SCN4B: variants seen among roughly 807,000 people sequenced by gnomAD.
SCN4B encodes the protein sodium channel regulatory subunit beta-4.
A neutral mutation model predicts 19.6 loss-of-function variants in SCN4B; 20 were observed. The observed-to-expected ratio is 1.02, with a 90% confidence interval of 0.72 to 1.48. SCN4B has a LOEUF of 1.48. Ranked by LOEUF, SCN4B falls within the 40% of genes most tolerant of loss-of-function variation. The pLI, the probability that SCN4B is intolerant of heterozygous loss-of-function variation, is 0.00. For synonymous variants in SCN4B, 127 were observed against 122.8 expected, an observed-to-expected ratio of 1.03 and a Z score of -0.22; for missense variants, 271 against 287.5, an observed-to-expected ratio of 0.94 and a Z score of 0.42.
At position 118,136,938 on chromosome 11, in the gene SCN4B, C is replaced by T; in HGVS notation, c.*89G>A. On this transcript the variant is annotated 3_prime_UTR_variant, in exon 5 of 5. Transcript: ENST00000324727. ...AGTTTGAGCCAAGCAGCAGATGTCT[C>T]AGGCACGTGGGTTCTACGGTCGGGG... The T allele has an allele frequency of 2.3e-6, 2 of 877,518 alleles. No individual in the cohort carries two copies. Among genetic ancestry groups the T allele is most frequent in the Non-Finnish European group, 3.8e-6 (2 of 527,842 alleles). The allele number at this position is 877,518 out of a possible 1,614,324, so 54.4% of individuals were successfully genotyped here.
At position 118,137,074 on chromosome 11, in the gene SCN4B, C is replaced by G. The variant is rs367988277; in HGVS notation, c.640G>C (p.Gly214Arg). ...SSSGNDNTEN[G>R]LPGSKAEEKP... ...TCCTCTGCCTTGGAGCCAGGCAAGCCGTTCTCCGTGTTGTCATTCCCCGAG... is the reference window on the plus strand; with the variant it reads ...TCCTCTGCCTTGGAGCCAGGCAAGCGGTTCTCCGTGTTGTCATTCCCCGAG... The change falls in exon 5 of 5, where the codon GGC becomes CGC. Residue 214 changes from glycine (G) to arginine (R), a missense_variant. Coordinates refer to ENST00000324727, the MANE Select transcript of SCN4B (RefSeq NM_174934.4). 1 of 1,614,024 alleles carries G rather than the reference C, an allele frequency of 6.2e-7. No homozygotes were observed. The highest frequency in any genetic ancestry group is 8.5e-7 in the Non-Finnish European group (1 of 1,179,988).
In SCN4B at chr11:118,135,059, C is replaced by T; in HGVS notation, c.*1968G>A. The T allele has an allele frequency of 2.2e-6, 1 of 454,092 alleles. No individual in the cohort carries two copies. Among genetic ancestry groups the T allele is most frequent in the Non-Finnish European group, 4.4e-6 (1 of 226,792 alleles). 28.1% of individuals were successfully genotyped at this position (454,092 alleles called of 1,614,324 possible). On this transcript the variant is annotated 3_prime_UTR_variant, in exon 5 of 5. Coordinates refer to ENST00000324727, the MANE Select transcript of SCN4B (RefSeq NM_174934.4). ...GGTGCTCTGCCTCTTCAAATGTCACCATTGAGAAGGAAGAAGAAAACAGTT... is the reference window on the plus strand; with the variant it reads ...GGTGCTCTGCCTCTTCAAATGTCACTATTGAGAAGGAAGAAGAAAACAGTT...
Position 118,144,134 on chromosome 11 carries a change from C to T in SCN4B, c.235-73G>A. 4 of 965,118 alleles carry T rather than the reference C, an allele frequency of 4.1e-6. No individual in the cohort carries two copies. The South Asian group carries it at 5.1e-5, about 12-fold the overall frequency. 59.8% of individuals were successfully genotyped at this position (965,118 alleles called of 1,614,324 possible). A position where few individuals can be genotyped will look rare whatever the true frequency, so the allele number is the denominator to read the frequency against. On this transcript the variant is annotated intron_variant, in intron 2 of 4. Coordinates refer to ENST00000324727, the MANE Select transcript of SCN4B (RefSeq NM_174934.4). ...GGGGTCCTCAAGGGTCATGACATCA[C>T]ACCAGCCCACTCCTTGGATGCCTCC...
At position 118,136,107 on chromosome 11, in the gene SCN4B, G is replaced by A. The variant is rs1236019227; in HGVS notation, c.*920C>T. ...CTCAGGTAGGAGGGGGAGAAGCAGG[G>A]GAGAGCTGGGCTCAGGAGTGCCCAG... On this transcript the variant is annotated 3_prime_UTR_variant, in exon 5 of 5. Transcript: ENST00000324727. 4.4e-6 allele frequency: 2 copies of A among 450,938 alleles called. No homozygotes were observed. The highest frequency in any genetic ancestry group is 2.0e-5 in the African/African-American group (1 of 49,820). 27.9% of individuals were successfully genotyped at this position (450,938 alleles called of 1,614,324 possible).
chr11:118,150,190 G>C (rs752490601), intron 1 of SCN4B, among the ~76,000 whole-genome samples: 1 of 152,190 alleles, frequency 6.6e-6, no homozygotes, highest in African/African-American at 2.4e-5. Context: ...AGGAAGGAGT[G>C]GGCAGGACAG....
Position 118,137,074 on chromosome 11 carries a change from C to T in SCN4B, c.640G>A (p.Gly214Ser), listed in dbSNP as rs367988277. ...SSSGNDNTENGLPGSKAEEKP... is the reference protein window; with the variant it reads ...SSSGNDNTENSLPGSKAEEKP... ...TCCTCTGCCTTGGAGCCAGGCAAGC[C>T]GTTCTCCGTGTTGTCATTCCCCGAG... The change falls in exon 5 of 5, where the codon GGC (glycine) becomes AGC (serine). Residue 214 changes from glycine to serine, a missense_variant. Physicochemically the swap from Gly to Ser is moderately conservative, Grantham distance 56. Transcript: ENST00000324727. The T allele has an allele frequency of 2.0e-5, 32 of 1,614,024 alleles. No individual in the cohort carries two copies. The East Asian group carries it at 4.0e-4, about 20-fold the overall frequency.
chr11:118,141,470 C>A (rs1948098883), intron 3 of SCN4B, 134 bp from the exon 4 acceptor site: 1 of 957,448 alleles, frequency 1.0e-6, no homozygotes, highest in Admixed American at 2.0e-5. Flanking sequence ...CTCCCAGACC[C>A]CCAGCCCTCC....
chr11:118,136,912 C>A lies in SCN4B; in HGVS notation c.*115G>T. ...TGGTTTCTTGTGCCCGGAAAGACTA[C>A]AGTTTGAGCCAAGCAGCAGATGTCT... On this transcript the variant is annotated 3_prime_UTR_variant, in exon 5 of 5. Coordinates refer to ENST00000324727, the MANE Select transcript of SCN4B (RefSeq NM_174934.4). The A allele has an allele frequency of 1.3e-6, 1 of 758,410 alleles. No homozygotes were observed. Among genetic ancestry groups the A allele is most frequent in the Non-Finnish European group, 2.3e-6 (1 of 427,088 alleles). 47.0% of individuals were successfully genotyped at this position (758,410 alleles called of 1,614,324 possible). A position where few individuals can be genotyped will look rare whatever the true frequency, so the allele number is the denominator to read the frequency against.
chr11:118,146,851 G>T (rs1948183257), intron 1 of SCN4B, among the ~76,000 whole-genome samples: 1 of 151,938 alleles, frequency 6.6e-6, no homozygotes, highest in African/African-American at 2.4e-5. Context: ...GCCTAGAGAG[G>T]TTATGTAACT....
At chr11:118,140,494 C>A (rs981263761) in intron 4 of SCN4B, among the ~76,000 whole-genome samples, 3 of 152,218 alleles carry the variant, frequency 2.0e-5, no homozygotes, top group African/African-American at 7.2e-5. Context: ...GGGAAGCCAT[C>A]TCGTCGCATC....
Position 118,152,599 on chromosome 11 carries a change from T to C in SCN4B, c.61+14A>G, listed in dbSNP as rs769263983. 6 of 1,610,776 alleles carry C rather than the reference T, an allele frequency of 3.7e-6. No individual in the cohort carries two copies. The African/African-American group carries it at 6.7e-5, about 18-fold the overall frequency. On this transcript the variant is annotated intron_variant, in intron 1 of 4. Transcript: ENST00000324727. Reference sequence around the variant, plus strand: ...GGGGAGGCAAGAGAAGAGACCAAGCTGGGGCTGCCTTACCCAAAAGCCCAG... The same window carrying C: ...GGGGAGGCAAGAGAAGAGACCAAGCCGGGGCTGCCTTACCCAAAAGCCCAG...
At chr11:118,149,617 C>T (rs548346597) in intron 1 of SCN4B, among the ~76,000 whole-genome samples, 1 of 152,218 alleles carries the variant, frequency 6.6e-6, no homozygotes, top group Non-Finnish European at 1.5e-5. Flanking sequence ...TGAAAGCATG[C>T]CCCTGAGACA....
chr11:118,136,365 C>G lies in SCN4B; in HGVS notation c.*662G>C, dbSNP rs1056227514. 2.2e-6 allele frequency: 1 copy of G among 453,602 alleles called. No homozygotes were observed. The highest frequency in any genetic ancestry group is 4.4e-6 in the Non-Finnish European group (1 of 226,674). 28.1% of individuals were successfully genotyped at this position (453,602 alleles called of 1,614,324 possible). A position where few individuals can be genotyped will look rare whatever the true frequency, so the allele number is the denominator to read the frequency against. On this transcript the variant is annotated 3_prime_UTR_variant, in exon 5 of 5. Coordinates refer to ENST00000324727, the MANE Select transcript of SCN4B (RefSeq NM_174934.4). ...AGGAGCAGGCTAGGTGGCCAGGAAC[C>G]CTCAAGACCAGGGTGGCCAGCCCTG...
intron 1 of SCN4B, 50 bp downstream of exon 1, chr11:118,152,563 T>G (rs1403421835): frequency 2.7e-6 from 4 of 1,496,774 alleles, no homozygotes; most frequent in Non-Finnish European, 2.8e-6. Flanking sequence ...TGTCCCCTTC[T>G]TTGGGGGTGG....
chr11:118,148,049 C>A lies in SCN4B; in HGVS notation c.62-2820G>T, dbSNP rs1948199460. ...TTAAGGTCTGGCTCATGACACAGTA[C>A]ACGTTTCTGCCTGGTTTGTGTGCAC... is the stretch of plus-strand genomic sequence containing the variant. On this transcript the variant is annotated intron_variant, in intron 1 of 4. Transcript: ENST00000324727. The surrounding 1 kb of genome is among the most constrained non-coding windows in gnomAD (Gnocchi z 4.0). Among the ~76,000 whole-genome samples the A allele has an allele frequency of 1.3e-5, 2 of 152,222 alleles. No homozygotes were observed. Among genetic ancestry groups the A allele is most frequent in the African/African-American group, 4.8e-5 (2 of 41,458 alleles).
intron 1 of SCN4B, among the ~76,000 whole-genome samples, chr11:118,146,529 C>G (rs1665757204): frequency 6.6e-6 from 1 of 152,188 alleles, no homozygotes; most frequent in Non-Finnish European, 1.5e-5. Flanking sequence ...TTGCCCCCAC[C>G]GGATGATAAT....
chr11:118,134,416 T>A lies in SCN4B; in HGVS notation c.*2611A>T, dbSNP rs768305843. On this transcript the variant is annotated 3_prime_UTR_variant, in exon 5 of 5. Transcript: ENST00000324727. Reference sequence around the variant, plus strand: ...CACTTGGGGAAGATAGCTTTGCCCATATACATCCTAGTGCAAATCCATGCC... The same window carrying A: ...CACTTGGGGAAGATAGCTTTGCCCAAATACATCCTAGTGCAAATCCATGCC... The A allele has an allele frequency of 3.3e-5, 15 of 454,004 alleles. No homozygotes were observed. The highest frequency in any genetic ancestry group is 6.2e-5 in the Non-Finnish European group (14 of 226,810). 28.1% of individuals were successfully genotyped at this position (454,004 alleles called of 1,614,324 possible). A position where few individuals can be genotyped will look rare whatever the true frequency, so the allele number is the denominator to read the frequency against.
chr11:118,134,968 T>A lies in SCN4B; in HGVS notation c.*2059A>T. ...TAGACCCTGGGGAGGAAAGAGAGGATGGTGCCCTTCTTCTCCCTACTCTAC... is the reference window on the plus strand; with the variant it reads ...TAGACCCTGGGGAGGAAAGAGAGGAAGGTGCCCTTCTTCTCCCTACTCTAC... On this transcript the variant is annotated 3_prime_UTR_variant, in exon 5 of 5. Transcript: ENST00000324727. 1 of 454,092 alleles carries A rather than the reference T, an allele frequency of 2.2e-6. No individual in the cohort carries two copies. The highest frequency in any genetic ancestry group is 4.4e-6 in the Non-Finnish European group (1 of 226,774). 28.1% of individuals were successfully genotyped at this position (454,092 alleles called of 1,614,324 possible). A position where few individuals can be genotyped will look rare whatever the true frequency, so the allele number is the denominator to read the frequency against.
In SCN4B at chr11:118,152,665, C is replaced by T; in HGVS notation, c.9G>A (p.Gly3=). MP[G]AGDGGKAPAR... ...CCGGGGCTTTGCCTCCGTCCCCAGC[C>T]CCGGGCATAGTCCTGTTCTCTCCGG... The change falls in exon 1 of 5, where the codon GGG becomes GGA. Residue 3 remains glycine, a synonymous_variant. Transcript: ENST00000324727. The T allele has an allele frequency of 6.2e-7, 1 of 1,610,818 alleles. No homozygotes were observed. The highest frequency in any genetic ancestry group is 8.5e-7 in the Non-Finnish European group (1 of 1,178,210).
Sources: gnomAD v4.1 joint callset for allele counts (sites outside exome capture counted in the v4.1 genomes callset) on GRCh38, gnomAD v4.1.1 for gene constraint, Gnocchi (gnomAD v3.1) non-coding constraint, MANE v1.5 for transcripts, NCBI Gene and HGNC (gene_info 2026-07-23, HGNC 2026-07-21) for gene names.